The following CCDC85A variants were observed in gnomAD, a reference collection of about 807,000 sequenced individuals.
The protein encoded by CCDC85A is coiled-coil domain-containing protein 85A.
CCDC85A carries 38 observed loss-of-function variants against 50.2 expected under a neutral mutation model. The ratio of observed to expected loss-of-function variants is 0.76; its 90% CI spans 0.58 to 0.99. The LOEUF is 0.99. Among genes scored for constraint, CCDC85A ranks in the 50% least tolerant of loss-of-function variants. The pLI, the probability that CCDC85A is intolerant of heterozygous loss-of-function variation, is 0.00. For missense variants in CCDC85A, 820 were observed against 742.0 expected (o/e 1.11, Z -1.22); for synonymous variants, 366 against 301.4 (o/e 1.21, Z -2.22).
intron 2 of CCDC85A, among the ~76,000 whole-genome samples, chr2:56,221,099 G>A (rs913713706): frequency 6.6e-6 from 1 of 151,914 alleles, no homozygotes; most frequent in African/African-American, 2.4e-5. Context: ...TCATTTCCTA[G>A]TATACCAATG....
At chr2:56,214,996 T>G (rs1677332743) in intron 2 of CCDC85A, among the ~76,000 whole-genome samples, 1 of 152,000 alleles carries the variant, frequency 6.6e-6, no homozygotes, top group Non-Finnish European at 1.5e-5. Flanking sequence ...AGTCTTCCAA[T>G]CCATGAACAC....
intron 2 of CCDC85A, among the ~76,000 whole-genome samples, chr2:56,292,062 C>T (rs758671720): frequency 2.2e-4 from 33 of 152,096 alleles, no homozygotes; most frequent in Non-Finnish European, 3.2e-4. Context: ...CAGGCACATT[C>T]TGAGATGCAG....
intron 2 of CCDC85A, among the ~76,000 whole-genome samples, chr2:56,194,357 A>G (rs559436670): frequency 6.6e-6 from 1 of 152,354 alleles, no homozygotes; most frequent in Non-Finnish European, 1.5e-5. Flanking sequence ...ATCATTTCTT[A>G]AAGAATAAAA....
chr2:56,369,403 C>G (rs913237376), intron 3 of CCDC85A, among the ~76,000 whole-genome samples: 28 of 152,154 alleles, frequency 1.8e-4, no homozygotes, highest in African/African-American at 6.7e-4. Flanking sequence ...ATGTTGATTT[C>G]ATGTTTAAGT....
chr2:56,229,455 C>A (rs1212893938), intron 2 of CCDC85A, among the ~76,000 whole-genome samples: 2 of 152,080 alleles, frequency 1.3e-5, no homozygotes, highest in Non-Finnish European at 2.9e-5. Flanking sequence ...AGCTGTGGGT[C>A]AGTGATTGCC....
chr2:56,183,943 G>C (rs1675872774), upstream of CCDC85A: 2 of 985,300 alleles, frequency 2.0e-6, no homozygotes, highest in African/African-American at 3.5e-5. Context: ...GTTACGGGTG[G>C]CCCCAGCTCC....
chr2:56,251,921 C>CT (rs1350471844), intron 2 of CCDC85A, among the ~76,000 whole-genome samples: 27 of 151,786 alleles, frequency 1.8e-4, no homozygotes, highest in African/African-American at 6.3e-4. Flanking sequence ...TATTATTATA[C>CT]TTTAAGTTTT....
At chr2:56,319,197 C>T (rs778584003) in intron 2 of CCDC85A, among the ~76,000 whole-genome samples, 2 of 152,088 alleles carry the variant, frequency 1.3e-5, no homozygotes, top group Non-Finnish European at 2.9e-5. Context: ...CATAGCAACT[C>T]AATCTGTACA....
chr2:56,251,534 A>C (rs1657180373), intron 2 of CCDC85A, among the ~76,000 whole-genome samples: 1 of 151,516 alleles, frequency 6.6e-6, no homozygotes, highest in African/African-American at 2.4e-5. Flanking sequence ...TGTTTGTATC[A>C]TGTTGCAACC....
At chr2:56,272,062 G>A (rs1670723906) in intron 2 of CCDC85A, among the ~76,000 whole-genome samples, 2 of 152,098 alleles carry the variant, frequency 1.3e-5, no homozygotes, top group Non-Finnish European at 2.9e-5. Context: ...TAAGAAGATG[G>A]TAAAGGACAT....
intron 2 of CCDC85A, among the ~76,000 whole-genome samples, chr2:56,209,686 G>A (rs1159464103): frequency 6.6e-6 from 1 of 152,044 alleles, no homozygotes; most frequent in Non-Finnish European, 1.5e-5. Context: ...AAGTTAGGTT[G>A]CGATTTTGAC....
At chr2:56,241,099 T>C (rs1669237157) in intron 2 of CCDC85A, among the ~76,000 whole-genome samples, 1 of 152,212 alleles carries the variant, frequency 6.6e-6, no homozygotes, top group Non-Finnish European at 1.5e-5. Flanking sequence ...CTCTAATAAC[T>C]AAGAAACATT....
intron 2 of CCDC85A, among the ~76,000 whole-genome samples, chr2:56,320,750 A>C (rs1229588277): frequency 1.3e-5 from 2 of 152,208 alleles, no homozygotes; most frequent in Non-Finnish European, 2.9e-5. Context: ...AAACTATTCC[A>C]ATCAATAGAA....
intron 2 of CCDC85A, among the ~76,000 whole-genome samples, chr2:56,240,296 C>A (rs1007093112): frequency 5.3e-5 from 8 of 152,120 alleles, no homozygotes; most frequent in African/African-American, 1.9e-4. Flanking sequence ...AGATTGGCCG[C>A]TGGCTGAGTC....
At chr2:56,362,733 C>G (rs1220623695) in intron 3 of CCDC85A, among the ~76,000 whole-genome samples, 1 of 152,172 alleles carries the variant, frequency 6.6e-6, no homozygotes, top group Non-Finnish European at 1.5e-5. Context: ...ATTCTCCTTC[C>G]TCAGCCTCCT....
chr2:56,215,545 G>A (rs966394612), intron 2 of CCDC85A, among the ~76,000 whole-genome samples: 4 of 151,028 alleles, frequency 2.6e-5, no homozygotes, highest in African/African-American at 7.3e-5. Flanking sequence ...ATCAAGTTGA[G>A]GAAGTTCCCT....
At chr2:56,289,794 T>A (rs1021905275) in intron 2 of CCDC85A, among the ~76,000 whole-genome samples, 3 of 152,198 alleles carry the variant, frequency 2.0e-5, no homozygotes, top group Non-Finnish European at 4.4e-5. Flanking sequence ...AATGGTTTTA[T>A]TATTTTTGGA....
chr2:56,244,765 C>G (rs1669425227), intron 2 of CCDC85A, among the ~76,000 whole-genome samples: 1 of 151,902 alleles, frequency 6.6e-6, no homozygotes, highest in Non-Finnish European at 1.5e-5. Flanking sequence ...GGCTCAAGGG[C>G]TTCTTTAGTC....
intron 2 of CCDC85A, among the ~76,000 whole-genome samples, chr2:56,326,717 A>G (rs1220921504): frequency 6.6e-6 from 1 of 152,192 alleles, no homozygotes. Context: ...AGTTTTATCA[A>G]ATAAAATGCT....
Sources: gnomAD v4.1 joint callset for allele counts (sites outside exome capture counted in the v4.1 genomes callset) on GRCh38, gnomAD v4.1.1 for gene constraint, MANE v1.5 for transcripts, NCBI Gene and HGNC (gene_info 2026-07-23, HGNC 2026-07-21) for gene names.